The following COL4A5 variants were observed in gnomAD, a reference collection of about 807,000 sequenced individuals.
COL4A5 encodes the protein collagen type IV alpha 5 chain, also known as collagen alpha-5(IV) chain.
A neutral mutation model predicts 130.2 loss-of-function variants in COL4A5; 26 were observed. The observed-to-expected ratio is 0.20, with a 90% confidence interval of 0.15 to 0.28. The LOEUF is 0.28. COL4A5 is among the 10% of genes least tolerant of loss of function. The pLI is 1.00. For missense variants in COL4A5, 1,131 were observed against 1,344.3 expected (o/e 0.84, Z 2.48); for synonymous variants, 496 against 439.6 (o/e 1.13, Z -1.60).
chrX:108,468,144 C>T (rs1449445750), intron 1 of COL4A5, among the ~76,000 whole-genome samples: 1 of 111,695 alleles, frequency 9.0e-6, no homozygotes, highest in East Asian at 2.8e-4. Flanking sequence ...AAAGTTTAGA[C>T]TGCGTTTTTA....
At chrX:108,649,872 CA>C (rs1028810369) in intron 36 of COL4A5, among the ~76,000 whole-genome samples, 6 of 110,898 alleles carry the variant, frequency 5.4e-5, no homozygotes, top group African/African-American at 2.0e-4. Flanking sequence ...ACCAAGAGCC[CA>C]AACACAAATG....
chrX:108,562,415 T>G (rs1043213874), intron 3 of COL4A5, among the ~76,000 whole-genome samples: 1 of 112,138 alleles, frequency 8.9e-6, no homozygotes, highest in African/African-American at 3.2e-5. Context: ...TTAATAAAGA[T>G]TTGTATTAAA....
intron 34 of COL4A5, among the ~76,000 whole-genome samples, chrX:108,624,693 C>T (rs2067118507): frequency 9.0e-6 from 1 of 111,435 alleles, no homozygotes; most frequent in African/African-American, 3.3e-5. Flanking sequence ...TCTTGTCCTG[C>T]TTTTTTTTCT....
At chrX:108,531,337 T>C (rs1380482188) in intron 1 of COL4A5, among the ~76,000 whole-genome samples, 1 of 102,377 alleles carries the variant, frequency 9.8e-6, no homozygotes, top group East Asian at 3.1e-4. Context: ...TGTGCACATG[T>C]ACCCTAAAAC....
chrX:108,549,302 T>C (rs1365522337), intron 2 of COL4A5, among the ~76,000 whole-genome samples: 1 of 111,922 alleles, frequency 8.9e-6, no homozygotes, highest in Non-Finnish European at 1.9e-5. Flanking sequence ...CTACAGAATA[T>C]AATTTTTTTC....
Position 108,697,424 on chromosome X carries a change from A to C in COL4A5, c.*1046A>C, listed in dbSNP as rs199836099. 25 of 110,890 alleles carry C rather than the reference A, an allele frequency of 2.3e-4. 1 individual carries two copies. In the East Asian group the frequency reaches 6.8e-3, roughly 30 times the overall value. 9.1% of individuals were successfully genotyped at this position (110,890 alleles called of 1,213,427 possible). ...CAATTGATGTTTCTTATTCTTTTTA[A>C]ATTTTAAATATTTTGTTATAAATAC... On this transcript the variant is annotated 3_prime_UTR_variant, in exon 53 of 53. Transcript: ENST00000328300.
At chrX:108,575,829 CTT>C in intron 9 of COL4A5, 79 bp from the exon 10 acceptor site, 2 of 697,525 alleles carry the variant, frequency 2.9e-6, no homozygotes, top group South Asian at 2.3e-5. Flanking sequence ...ACAAGTGAGA[CTT>C]TGTGTAAAAA....
At chrX:108,477,728 A>G (rs764620828) in intron 1 of COL4A5, among the ~76,000 whole-genome samples, 9 of 105,942 alleles carry the variant, frequency 8.5e-5, no homozygotes, top group Non-Finnish European at 1.6e-4. Context: ...AGGCAGGAGA[A>G]TGGCTTGAAC....
At chrX:108,530,729 G>A (rs1409989997) in intron 1 of COL4A5, among the ~76,000 whole-genome samples, 3 of 95,455 alleles carry the variant, frequency 3.1e-5, no homozygotes, top group African/African-American at 1.2e-4. Context: ...AGGATGTGGA[G>A]AAATAGGAAC....
At chrX:108,492,948 T>A (rs183358770) in intron 1 of COL4A5, among the ~76,000 whole-genome samples, 29 of 111,130 alleles carry the variant, frequency 2.6e-4, no homozygotes, top group African/African-American at 8.5e-4. Flanking sequence ...TATGTTTCTC[T>A]TTCTACCAAG....
intron 44 of COL4A5, among the ~76,000 whole-genome samples, chrX:108,678,005 A>G (rs2068341398): frequency 1.8e-5 from 2 of 111,883 alleles, no homozygotes; most frequent in African/African-American, 6.5e-5. Context: ...TTAGGCTTTG[A>G]AATTAGATAA....
intron 36 of COL4A5, among the ~76,000 whole-genome samples, chrX:108,628,706 A>G: frequency 8.9e-6 from 1 of 111,932 alleles, no homozygotes; most frequent in East Asian, 2.8e-4. Context: ...TGTTTGTCTT[A>G]TAGCATGTTT....
intron 1 of COL4A5, among the ~76,000 whole-genome samples, chrX:108,479,241 C>T (rs1311691812): frequency 8.9e-6 from 1 of 112,626 alleles, no homozygotes; most frequent in Non-Finnish European, 1.9e-5. Flanking sequence ...AGAGGTCCAT[C>T]CACATACCTC....
intron 1 of COL4A5, among the ~76,000 whole-genome samples, chrX:108,527,811 T>C (rs1300176414): frequency 9.0e-6 from 1 of 111,656 alleles, no homozygotes; most frequent in East Asian, 2.8e-4. Context: ...AGGTTGGGCC[T>C]AAACTCCCAA....
chrX:108,482,588 C>T lies in COL4A5; in HGVS notation c.81+42382C>T, dbSNP rs531446066. Among the ~76,000 whole-genome samples, 3 of 111,631 alleles carry T rather than the reference C, an allele frequency of 2.7e-5. No individual in the cohort carries two copies. The South Asian group carries it at 1.1e-3, about 43-fold the overall frequency. On this transcript the variant is annotated intron_variant, in intron 1 of 52. Coordinates refer to ENST00000328300, the MANE Select transcript of COL4A5 (RefSeq NM_033380.3). Reference sequence around the variant, plus strand: ...AGGGTCTCCCCACACATCCCCATTCCAAGTTGCAGGGTCCCATTATTTTCC... The same window carrying T: ...AGGGTCTCCCCACACATCCCCATTCTAAGTTGCAGGGTCCCATTATTTTCC...
chrX:108,560,541 T>C (rs1418168774), intron 3 of COL4A5, among the ~76,000 whole-genome samples: 1 of 113,122 alleles, frequency 8.8e-6, no homozygotes, highest in Non-Finnish European at 1.9e-5. Context: ...AAAAGTTGTC[T>C]GGAGTATTCC....
At chrX:108,515,470 C>T (rs1187999606) in intron 1 of COL4A5, among the ~76,000 whole-genome samples, 1 of 111,642 alleles carries the variant, frequency 9.0e-6, no homozygotes, top group Non-Finnish European at 1.9e-5. Context: ...CTCTTTCTGC[C>T]TGTAAAGAAT....
intron 29 of COL4A5, among the ~76,000 whole-genome samples, chrX:108,612,161 A>T (rs1437571060): frequency 9.0e-6 from 1 of 111,664 alleles, no homozygotes; most frequent in East Asian, 2.8e-4. Context: ...TGATAAAGAC[A>T]TTTACAAAAT....
At position 108,687,663 on chromosome X, in the gene COL4A5, A is replaced by C; in HGVS notation, c.4497A>C (p.Gln1499His). 2 of 1,210,466 alleles carry C rather than the reference A, an allele frequency of 1.7e-6. No individual in the cohort carries two copies. The highest frequency in any genetic ancestry group is 1.7e-5 in the African/African-American group (1 of 57,709). The stretch of plus-strand genomic sequence containing the variant: ...AAGGCTTTTCTCTCCTGTATGTACA[A>C]GGAAATAAAAGAGCCCACGGTCAAG... ...VYEGFSLLYVQGNKRAHGQDL... is the reference protein window; with the variant it reads ...VYEGFSLLYVHGNKRAHGQDL... Residue 1499 changes from glutamine (Q) to histidine (H), a missense_variant, in exon 49 of 53, where the codon CAA becomes CAC. Gln to His is a conservative substitution (Grantham distance 24). Coordinates refer to ENST00000328300, the MANE Select transcript of COL4A5 (RefSeq NM_033380.3).
Sources: gnomAD v4.1 joint callset for allele counts (sites outside exome capture counted in the v4.1 genomes callset) on GRCh38, gnomAD v4.1.1 for gene constraint, MANE v1.5 for transcripts, NCBI Gene and HGNC (gene_info 2026-07-23, HGNC 2026-07-21) for gene names.